Variants in MGAT4D observed in about 807,000 individuals in gnomAD.
MGAT4D encodes MGAT4 family member D, also known as alpha-1,3-mannosyl-glycoprotein 4-beta-N-acetylglucosaminyltransferase-like protein MGAT4D.
In MGAT4D, 34 loss-of-function variants were observed where a neutral mutation model predicts 15.9. The observed-to-expected ratio is 2.14, with a 90% CI of 1.62 to 2.84. The LOEUF (loss-of-function observed/expected upper bound fraction) is 2.84, where lower values mean the gene tolerates loss of function less well. Among genes scored for constraint, MGAT4D ranks in the 30% most tolerant of loss-of-function variants. MGAT4D has a pLI of 0.00. For missense variants in MGAT4D, 327 were observed against 140.2 expected (o/e 2.33, Z -6.73); for synonymous variants, 112 against 48.2 (o/e 2.33, Z -5.49).
At chr4:140,487,040 A>G (rs1157154833) in intron 1 of MGAT4D, among the ~76,000 whole-genome samples, 3 of 152,194 alleles carry the variant, frequency 2.0e-5, no homozygotes, top group Non-Finnish European at 4.4e-5. Context: ...GAAAAGAAAG[A>G]GTTTTCTCCA....
chr4:140,447,056 G>A (rs916010701), intron 10 of MGAT4D, among the ~76,000 whole-genome samples: 3 of 151,824 alleles, frequency 2.0e-5, no homozygotes, highest in African/African-American at 7.3e-5. Flanking sequence ...TTATTGTACT[G>A]TGGTCTGACA....
At chr4:140,480,810 C>T (rs56794323) in intron 2 of MGAT4D, among the ~76,000 whole-genome samples, 12,861 of 151,154 alleles carry the variant, frequency 0.085, 562 homozygotes, top group South Asian at 0.1. Flanking sequence ...GTGGCATGCG[C>T]CTGGAGTCCC....
chr4:140,489,283 C>T (rs1050131706), intron 1 of MGAT4D, among the ~76,000 whole-genome samples: 4 of 152,238 alleles, frequency 2.6e-5, no homozygotes, highest in African/African-American at 9.6e-5. Flanking sequence ...CCCATGTATG[C>T]TTTGCAATAA....
At chr4:140,469,220 A>G (rs1578675252) in intron 5 of MGAT4D, among the ~76,000 whole-genome samples, 2 of 152,288 alleles carry the variant, frequency 1.3e-5, no homozygotes, top group African/African-American at 4.8e-5. Flanking sequence ...ATGAACCCCA[A>G]ATCAGTTTCC....
At chr4:140,453,243 C>A (rs1247941028) in intron 9 of MGAT4D, among the ~76,000 whole-genome samples, 6 of 151,922 alleles carry the variant, frequency 3.9e-5, no homozygotes, top group Non-Finnish European at 7.4e-5. Flanking sequence ...TTTCGTTTGT[C>A]TTCTCTTAAA....
intron 1 of MGAT4D, among the ~76,000 whole-genome samples, chr4:140,484,611 G>C (rs554434433): frequency 1.3e-5 from 2 of 152,256 alleles, no homozygotes; most frequent in East Asian, 3.9e-4. Context: ...AGAGCGAACA[G>C]GCAACCTACA....
chr4:140,456,603 C>A lies in MGAT4D; in HGVS notation c.994G>T (p.Ala332Ser), dbSNP rs769732966. 4.3e-5 allele frequency: 29 copies of A among 671,558 alleles called. No individual in the cohort carries two copies. The highest frequency in any genetic ancestry group is 1.3e-4 in the South Asian group (8 of 60,654). 41.6% of individuals were successfully genotyped at this position (671,558 alleles called of 1,614,324 possible). Residue 332 changes from alanine (A) to serine (S), a missense_variant, in exon 9 of 11, where the codon GCA becomes TCA. By Grantham distance (99) the Ala-to-Ser change is moderately conservative. Transcript: ENST00000511113. ...TAAATACTCACAAGATCTTCTCCTG[C>A]GTCACACACCTTTACCTGAAAAATG... ...NDIFQVKVCD[A>S]GEDLRNCMKR...
At chr4:140,464,140 C>T (rs1413016321) in intron 6 of MGAT4D, among the ~76,000 whole-genome samples, 5 of 152,152 alleles carry the variant, frequency 3.3e-5, no homozygotes, top group African/African-American at 9.7e-5. Context: ...CAAAACAAAA[C>T]GCTTAAAAGA....
intron 1 of MGAT4D, 49 bp downstream of exon 1, chr4:140,498,080 C>T: frequency 1.4e-6 from 1 of 693,050 alleles, no homozygotes; most frequent in East Asian, 2.8e-5. Context: ...CCTGCAGCCC[C>T]GAAGCCCCCG....
intron 10 of MGAT4D, among the ~76,000 whole-genome samples, chr4:140,447,485 G>T (rs569913785): frequency 3.9e-5 from 6 of 152,124 alleles, no homozygotes; most frequent in Admixed American, 1.3e-4. Context: ...TTTGATGTTG[G>T]TTTACAGTCT....
intron 3 of MGAT4D, among the ~76,000 whole-genome samples, chr4:140,478,408 G>T (rs1390151877): frequency 6.6e-6 from 1 of 152,118 alleles, no homozygotes; most frequent in African/African-American, 2.4e-5. Flanking sequence ...TCTTGCGTGT[G>T]TCTTTCAACT....
intron 1 of MGAT4D, among the ~76,000 whole-genome samples, chr4:140,486,598 T>C (rs1057016944): frequency 1.3e-5 from 2 of 152,198 alleles, no homozygotes; most frequent in African/African-American, 4.8e-5. Flanking sequence ...ATGTATTGAC[T>C]GCTTTCATGT....
chr4:140,484,878 C>T (rs1484503132), intron 1 of MGAT4D, among the ~76,000 whole-genome samples: 4 of 152,076 alleles, frequency 2.6e-5, no homozygotes, highest in African/African-American at 7.2e-5. Flanking sequence ...GTTAGAATGG[C>T]GATCATTAAA....
intron 9 of MGAT4D, among the ~76,000 whole-genome samples, chr4:140,453,286 C>T (rs1413242560): frequency 6.6e-6 from 1 of 151,772 alleles, no homozygotes; most frequent in Non-Finnish European, 1.5e-5. Context: ...GAATATCTAC[C>T]AAAAAATTCC....
chr4:140,487,823 C>G (rs961822365), intron 1 of MGAT4D, among the ~76,000 whole-genome samples: 2 of 152,156 alleles, frequency 1.3e-5, no homozygotes, highest in African/African-American at 4.8e-5. Flanking sequence ...CACTCACTAG[C>G]TGCATTTCAA....
intron 1 of MGAT4D, among the ~76,000 whole-genome samples, chr4:140,493,446 C>T (rs1253106090): frequency 7.9e-5 from 12 of 151,856 alleles, no homozygotes; most frequent in Non-Finnish European, 1.3e-4. Context: ...CAGTCGCCCA[C>T]GACCATGCCC....
chr4:140,484,195 C>T (rs986758275), intron 1 of MGAT4D, among the ~76,000 whole-genome samples: 13 of 151,928 alleles, frequency 8.6e-5, no homozygotes, highest in Admixed American at 2.6e-4. Flanking sequence ...ATATAAGAAA[C>T]TCAAACAATA....
At chr4:140,477,354 G>C (rs929825683) in intron 3 of MGAT4D, among the ~76,000 whole-genome samples, 2 of 152,150 alleles carry the variant, frequency 1.3e-5, no homozygotes, top group Non-Finnish European at 2.9e-5. Context: ...CTCTATGAAG[G>C]TGGGGTCTAT....
chr4:140,471,046 G>A (rs995774440), intron 5 of MGAT4D, among the ~76,000 whole-genome samples: 8 of 151,848 alleles, frequency 5.3e-5, no homozygotes, highest in African/African-American at 2.4e-5. Flanking sequence ...CACCAGGCTC[G>A]GCTTAATTTT....
Sources: gnomAD v4.1 joint callset for allele counts (sites outside exome capture counted in the v4.1 genomes callset) on GRCh38, gnomAD v4.1.1 for gene constraint, MANE v1.5 for transcripts, NCBI Gene and HGNC (gene_info 2026-07-23, HGNC 2026-07-21) for gene names.